Variants in NFATC2 observed in about 807,000 individuals in gnomAD.
NFATC2 encodes the protein nuclear factor of activated T cells 2.
Under a neutral mutation model 87.3 loss-of-function variants are expected in NFATC2, and 22 were observed. The observed-to-expected ratio is 0.25, with a 90% confidence interval of 0.18 to 0.36. The LOEUF is 0.36. NFATC2 is among the 10% of genes least tolerant of loss of function. The pLI, the probability that NFATC2 is intolerant of heterozygous loss-of-function variation, is 1.00. For synonymous variants in NFATC2, 565 were observed against 542.2 expected (o/e 1.04, Z -0.58); for missense variants, 1,149 against 1,259.1 (o/e 0.91, Z 1.32).
At chr20:51,508,654 A>G (rs2076224166) in intron 3 of NFATC2, among the ~76,000 whole-genome samples, 1 of 151,942 alleles carries the variant, frequency 6.6e-6, no homozygotes, top group Admixed American at 6.6e-5. Flanking sequence ...CCTCTAAAAG[A>G]TGCTTTCCCT....
chr20:51,494,343 T>C (rs1419569513), intron 3 of NFATC2, among the ~76,000 whole-genome samples: 1 of 151,894 alleles, frequency 6.6e-6, no homozygotes, highest in Non-Finnish European at 1.5e-5. Context: ...CCCTGGCTGG[T>C]GGCTTTTCTG....
chr20:51,434,286 C>T (rs1983234019), intron 8 of NFATC2, among the ~76,000 whole-genome samples: 1 of 152,022 alleles, frequency 6.6e-6, no homozygotes, highest in Non-Finnish European at 1.5e-5. Context: ...CAGTATAATG[C>T]TTCTAGAAGC....
chr20:51,476,217 T>C, intron 3 of NFATC2, among the ~76,000 whole-genome samples: 1 of 112,666 alleles, frequency 8.9e-6, no homozygotes, highest in African/African-American at 3.4e-5. Flanking sequence ...CCTAATGCTA[T>C]CCCTCCCCCC....
chr20:51,479,037 C>T (rs1250654945), intron 3 of NFATC2, among the ~76,000 whole-genome samples: 1 of 152,170 alleles, frequency 6.6e-6, no homozygotes, highest in Non-Finnish European at 1.5e-5. Context: ...CCAGTTGACA[C>T]CACTTTGGTA....
chr20:51,393,452 CTTAA>C (rs1216854606), intron 10 of NFATC2, among the ~76,000 whole-genome samples: 9 of 21,844 alleles, frequency 4.1e-4, no homozygotes, highest in Non-Finnish European at 1.4e-4. Flanking sequence ...TTATGTATAA[CTTAA>C]CTTTTCCAAC....
chr20:51,515,564 C>T (rs532619655), intron 3 of NFATC2, among the ~76,000 whole-genome samples: 1 of 152,036 alleles, frequency 6.6e-6, no homozygotes, highest in Non-Finnish European at 1.5e-5. Flanking sequence ...TATATCATCA[C>T]GATGTCAGAA....
chr20:51,450,987 G>A (rs946634035), intron 6 of NFATC2, among the ~76,000 whole-genome samples: 1 of 152,206 alleles, frequency 6.6e-6, no homozygotes, highest in South Asian at 2.1e-4. Context: ...AACTCCCAGA[G>A]TGCTTAAAAG....
rs369662142 is a variant in NFATC2, at chr20:51,391,473, G to GC, written c.*45-23_*45-22insG. The stretch of plus-strand genomic sequence containing the variant: ...TTAACTACAAAAGAAAAGAGGAGGG[G>GC]GGGGGAGAGAGAATGGGGCAAGTGA... On this transcript the variant is annotated intron_variant, in intron 10 of 10. Transcript: ENST00000371564. The GC allele has an allele frequency of 1.5e-4, 245 of 1,590,534 alleles. 1 individual carries two copies. The East Asian group carries it at 3.1e-3, about 20-fold the overall frequency.
intron 5 of NFATC2, among the ~76,000 whole-genome samples, chr20:51,471,439 G>A (rs1988192154): frequency 6.6e-6 from 1 of 152,228 alleles, no homozygotes; most frequent in African/African-American, 2.4e-5. Context: ...ACTGAGCTGA[G>A]CAGGAGAATT....
chr20:51,445,995 C>T (rs1018410046), intron 6 of NFATC2, among the ~76,000 whole-genome samples: 2 of 152,206 alleles, frequency 1.3e-5, no homozygotes, highest in Non-Finnish European at 2.9e-5. Context: ...TTTCAGACAG[C>T]CAGCTACTCT....
chr20:51,391,822 T>C (rs1986386969), intron 10 of NFATC2, among the ~76,000 whole-genome samples: 1 of 152,112 alleles, frequency 6.6e-6, no homozygotes, highest in South Asian at 2.1e-4. Flanking sequence ...ATCTCTATTT[T>C]TTTTAAATAC....
chr20:51,517,508 T>C (rs891642088), intron 2 of NFATC2, among the ~76,000 whole-genome samples: 1 of 150,968 alleles, frequency 6.6e-6, no homozygotes, highest in Non-Finnish European at 1.5e-5. Flanking sequence ...GGGAAGATCA[T>C]CTGAGCCCAG....
intron 1 of NFATC2, among the ~76,000 whole-genome samples, chr20:51,561,335 AAAAG>A (rs1555822716): frequency 3.1e-5 from 4 of 127,508 alleles, no homozygotes; most frequent in East Asian, 2.0e-4. Flanking sequence ...AAAAAAAAAA[AAAAG>A]AAAGAAAGAG....
chr20:51,474,179 T>A (rs754870912), intron 4 of NFATC2, 27 bp from the exon 5 acceptor site: 2 of 1,610,384 alleles, frequency 1.2e-6, no homozygotes, highest in Admixed American at 3.3e-5. Context: ...AACCCCATTG[T>A]CACCAACTAC....
intron 6 of NFATC2, among the ~76,000 whole-genome samples, chr20:51,454,047 CTAT>C (rs1295048773): frequency 1.7e-4 from 26 of 152,250 alleles, no homozygotes; most frequent in African/African-American, 6.3e-4. Flanking sequence ...GTACTTGGCA[CTAT>C]TATAATTACG....
Position 51,533,639 on chromosome 20 carries a change from C to T in NFATC2, c.130+8731G>A, listed in dbSNP as rs1413264820. 4.6e-5 allele frequency among the ~76,000 whole-genome samples: 7 copies of T among 152,244 alleles called. No homozygotes were observed. In the East Asian group the frequency reaches 5.8e-4, roughly 13 times the overall value. Reference sequence around the variant, plus strand: ...TTTGCTGACCTTGCCCCAGCTAAGACAGCTGTCTGCCTTCCCCAGACGGGG... The same window carrying T: ...TTTGCTGACCTTGCCCCAGCTAAGATAGCTGTCTGCCTTCCCCAGACGGGG... On this transcript the variant is annotated intron_variant, in intron 1 of 10. Coordinates refer to ENST00000371564, the MANE Select transcript of NFATC2 (RefSeq NM_012340.5).
rs376889956 is a variant in NFATC2 at position 51,477,122 on chromosome 20, A to T, written c.1333-1462T>A. On this transcript the variant is annotated intron_variant, in intron 3 of 10. Transcript: ENST00000371564. ...AAAACAAACAGAATAATGAACAATG[A>T]GTTACATCAATAGCCTGACTACTAA... 8.5e-5 allele frequency among the ~76,000 whole-genome samples: 13 copies of T among 152,322 alleles called. No individual in the cohort carries two copies. The East Asian group carries it at 2.5e-3, about 29-fold the overall frequency.
chr20:51,523,173 C>A lies in NFATC2; in HGVS notation c.1068G>T (p.Glu356Asp), dbSNP rs1410119150. 3 of 1,614,126 alleles carry A rather than the reference C, an allele frequency of 1.9e-6. No individual in the cohort carries two copies. The highest frequency in any genetic ancestry group is 2.5e-6 in the Non-Finnish European group (3 of 1,180,058). Reference sequence around the variant, plus strand: ...GAGCCGAGTTTCTCCTCTCGCCCTGCTCGCAGGGCCCCAGGAACTCCACGG... The same window carrying A: ...GAGCCGAGTTTCTCCTCTCGCCCTGATCGCAGGGCCCCAGGAACTCCACGG... ...YPAVEFLGPC[E>D]QGERRNSAPE... The change falls in exon 2 of 11, where the codon GAG becomes GAT. Residue 356 changes from glutamate (E) to aspartate (D), a missense_variant. Physicochemically the swap from Glu to Asp is conservative, Grantham distance 45. Transcript: ENST00000371564. This position sits in a 1 kb window ranked among gnomAD's most constrained non-coding sequence, Gnocchi z 6.9.
In NFATC2 at chr20:51,512,257, G is replaced by A. The variant is rs192455454; in HGVS notation, c.1332+4527C>T. 7.2e-5 allele frequency among the ~76,000 whole-genome samples: 11 copies of A among 152,250 alleles called. No individual in the cohort carries two copies. The East Asian group carries it at 1.2e-3, about 16-fold the overall frequency. On this transcript the variant is annotated intron_variant, in intron 3 of 10. Coordinates refer to ENST00000371564, the MANE Select transcript of NFATC2 (RefSeq NM_012340.5). ...TCTGTAGAAGCAGTTCCTCCCAAGC[G>A]GTGAATCCAATGGACAAGCTTCTAA...
Sources: allele counts gnomAD v4.1 joint callset (sites outside exome capture counted in the v4.1 genomes callset), GRCh38; gene constraint gnomAD v4.1.1; non-coding constraint Gnocchi (gnomAD v3.1); transcripts MANE v1.5; gene names NCBI Gene and HGNC (gene_info 2026-07-23, HGNC 2026-07-21).